The following MDGA2 variants were observed in gnomAD, a reference collection of about 807,000 sequenced individuals.
The protein encoded by MDGA2 is MAM domain-containing glycosylphosphatidylinositol anchor protein 2.
Under a neutral mutation model 117.8 loss-of-function variants are expected in MDGA2, and 40 were observed. The ratio of observed to expected loss-of-function variants is 0.34; its 90% confidence interval spans 0.26 to 0.44. The LOEUF is 0.44. Among genes scored for constraint, MDGA2 ranks in the 20% least tolerant of loss-of-function variants. MDGA2 has a pLI of 1.00. For synonymous variants in MDGA2, 452 were observed against 439.0 expected, an observed-to-expected ratio of 1.03 and a Z score of -0.37; for missense variants, 1,123 against 1,250.6, an observed-to-expected ratio of 0.90 and a Z score of 1.54.
chr14:47,388,392 C>A (rs933076059), intron 1 of MDGA2, among the ~76,000 whole-genome samples: 5 of 152,168 alleles, frequency 3.3e-5, no homozygotes, highest in Non-Finnish European at 7.4e-5. Flanking sequence ...ACTCTATTAT[C>A]CCAAATACAG....
At chr14:47,409,217 C>T (rs537532546) in intron 1 of MDGA2, among the ~76,000 whole-genome samples, 41 of 152,260 alleles carry the variant, frequency 2.7e-4, no homozygotes, top group African/African-American at 7.2e-4. Flanking sequence ...GAACATAGCC[C>T]GTTATGGGAA....
At chr14:47,106,073 A>T (rs941863849) in intron 5 of MDGA2, among the ~76,000 whole-genome samples, 20 of 152,086 alleles carry the variant, frequency 1.3e-4, no homozygotes, top group Non-Finnish European at 2.4e-4. Flanking sequence ...CTTTATCCCA[A>T]ATCGGATAGC....
At chr14:47,330,949 T>G (rs1389264412) in intron 1 of MDGA2, among the ~76,000 whole-genome samples, 1 of 151,956 alleles carries the variant, frequency 6.6e-6, no homozygotes, top group Non-Finnish European at 1.5e-5. Flanking sequence ...CTGTGTTATC[T>G]CTATGTTTCT....
At chr14:47,406,549 C>T (rs1415008847) in intron 1 of MDGA2, among the ~76,000 whole-genome samples, 1 of 151,990 alleles carries the variant, frequency 6.6e-6, no homozygotes, top group Non-Finnish European at 1.5e-5. Context: ...CTAGTATTTA[C>T]ATCCTATTAA....
At chr14:46,955,353 C>T (rs1180570793) in intron 9 of MDGA2, among the ~76,000 whole-genome samples, 2 of 152,030 alleles carry the variant, frequency 1.3e-5, no homozygotes, top group African/African-American at 4.8e-5. Context: ...TACTAAAGCT[C>T]ATGAAGCTCA....
At chr14:47,231,391 G>A (rs1013553917) in intron 2 of MDGA2, among the ~76,000 whole-genome samples, 3 of 152,028 alleles carry the variant, frequency 2.0e-5, no homozygotes, top group Admixed American at 1.3e-4. Flanking sequence ...GAACAAGCTA[G>A]GATGGAAGTC....
chr14:47,073,985 T>C (rs12888648), intron 6 of MDGA2, among the ~76,000 whole-genome samples: 49,636 of 151,974 alleles, frequency 0.33, 8,667 homozygotes, highest in East Asian at 0.53. Flanking sequence ...CAGCTTTGCA[T>C]TGAATATCAC....
intron 2 of MDGA2, among the ~76,000 whole-genome samples, chr14:47,281,372 T>G (rs1003145684): frequency 6.6e-6 from 1 of 152,206 alleles, no homozygotes; most frequent in Non-Finnish European, 1.5e-5. Flanking sequence ...TATATTTTGA[T>G]GCCAATTAAT....
intron 8 of MDGA2, among the ~76,000 whole-genome samples, chr14:46,957,950 A>G (rs1885630064): frequency 6.6e-6 from 1 of 152,160 alleles, no homozygotes; most frequent in Non-Finnish European, 1.5e-5. Context: ...TTCTAATATT[A>G]TCAATATATT....
At chr14:46,846,877 G>C (rs1201113164) in intron 15 of MDGA2, among the ~76,000 whole-genome samples, 2 of 152,046 alleles carry the variant, frequency 1.3e-5, no homozygotes, top group Admixed American at 1.3e-4. Context: ...CTGGTAATGT[G>C]CTTTATTAAT....
chr14:47,222,157 G>A (rs942627710), intron 2 of MDGA2, among the ~76,000 whole-genome samples: 12 of 151,900 alleles, frequency 7.9e-5, no homozygotes, highest in South Asian at 2.1e-4. Context: ...ACAAGCTTGC[G>A]TACAGTTAAC....
At chr14:47,315,614 T>C (rs1260643941) in intron 1 of MDGA2, among the ~76,000 whole-genome samples, 1 of 152,108 alleles carries the variant, frequency 6.6e-6, no homozygotes, top group African/African-American at 2.4e-5. Context: ...TCCAATCTCA[T>C]TTGAATTCTT....
At chr14:46,967,677 C>T (rs372526497) in intron 8 of MDGA2, among the ~76,000 whole-genome samples, 1 of 152,100 alleles carries the variant, frequency 6.6e-6, no homozygotes, top group Non-Finnish European at 1.5e-5. Flanking sequence ...AGTTGTCCCC[C>T]CTTATCCATG....
In MDGA2 at chr14:47,585,666, A is replaced by C. The variant is rs150176699; in HGVS notation, c.280+88851T>G. Reference sequence around the variant, plus strand: ...CATAACTAGGAAGTATAAGGCATCTAATAGGCTGCCATAATTTCTTAATTC... The same window carrying C: ...CATAACTAGGAAGTATAAGGCATCTCATAGGCTGCCATAATTTCTTAATTC... On this transcript the variant is annotated intron_variant, in intron 1 of 16. Coordinates refer to ENST00000399232, the MANE Select transcript of MDGA2 (RefSeq NM_001113498.3). Among the ~76,000 whole-genome samples, 67 of 151,478 alleles carry C rather than the reference A, an allele frequency of 4.4e-4. No homozygotes were observed. The East Asian group carries it at 9.5e-3, about 22-fold the overall frequency.
At chr14:47,193,936 C>T (rs1304113605) in intron 3 of MDGA2, among the ~76,000 whole-genome samples, 1 of 152,148 alleles carries the variant, frequency 6.6e-6, no homozygotes, top group Non-Finnish European at 1.5e-5. Context: ...ATTAAATGGT[C>T]AGACTTACCT....
At chr14:47,054,061 T>C (rs896986114) in intron 7 of MDGA2, among the ~76,000 whole-genome samples, 1 of 151,968 alleles carries the variant, frequency 6.6e-6, no homozygotes, top group African/African-American at 2.4e-5. Flanking sequence ...ACATTGGTCA[T>C]TGACTTAACT....
intron 1 of MDGA2, among the ~76,000 whole-genome samples, chr14:47,427,658 T>C (rs1201192673): frequency 6.6e-6 from 1 of 151,926 alleles, no homozygotes; most frequent in Admixed American, 6.6e-5. Flanking sequence ...AGAGACAGGG[T>C]CAAAAAAGAA....
At chr14:47,660,824 C>T (rs1225997358) in intron 1 of MDGA2, among the ~76,000 whole-genome samples, 1 of 152,102 alleles carries the variant, frequency 6.6e-6, no homozygotes, top group East Asian at 1.9e-4. Context: ...TGTAGTAGAA[C>T]CATTTCTTCA....
At chr14:47,199,652 A>C (rs1383857119) in intron 3 of MDGA2, among the ~76,000 whole-genome samples, 1 of 152,196 alleles carries the variant, frequency 6.6e-6, no homozygotes, top group Admixed American at 6.5e-5. Flanking sequence ...AAGAAAAACA[A>C]TCATACATTA....
Sources: allele counts gnomAD v4.1 joint callset (sites outside exome capture counted in the v4.1 genomes callset), GRCh38; gene constraint gnomAD v4.1.1; transcripts MANE v1.5; gene names NCBI Gene and HGNC (gene_info 2026-07-23, HGNC 2026-07-21).